COL14A1: variants seen among roughly 807,000 people sequenced by gnomAD.
The protein encoded by COL14A1 is collagen alpha-1(XIV) chain.
In COL14A1, 136 loss-of-function variants were observed where a neutral mutation model predicts 230.3. That is an observed-to-expected ratio of 0.59 (90% confidence interval 0.51 to 0.68). COL14A1 has a LOEUF of 0.68. Ranked by LOEUF, COL14A1 falls within the 30% of genes least tolerant of loss-of-function variation. The pLI, the probability that COL14A1 is intolerant of heterozygous loss-of-function variation, is 0.00. For missense variants in COL14A1, 1,976 were observed against 2,215.8 expected (o/e 0.89, Z 2.17); for synonymous variants, 792 against 784.1 (o/e 1.01, Z -0.17).
chr8:120,332,442 A>G (rs1357832914), intron 41 of COL14A1, among the ~76,000 whole-genome samples: 1 of 152,154 alleles, frequency 6.6e-6, no homozygotes, highest in Non-Finnish European at 1.5e-5. Context: ...TTAAATCACA[A>G]CTAAGGCTTG....
At chr8:120,245,752 G>A (rs1818743738) in intron 20 of COL14A1, among the ~76,000 whole-genome samples, 1 of 152,128 alleles carries the variant, frequency 6.6e-6, no homozygotes, top group African/African-American at 2.4e-5. Flanking sequence ...CAAGCAGGCT[G>A]GACCCAGCTG....
chr8:120,315,630 T>C, intron 39 of COL14A1, 44 bp downstream of exon 39: 1 of 1,524,476 alleles, frequency 6.6e-7, no homozygotes, highest in Non-Finnish European at 9.0e-7. Flanking sequence ...AGTCTACAAC[T>C]TTGCCAAGGG....
At position 120,280,012 on chromosome 8, in the gene COL14A1, C is replaced by T. The variant is rs779007548; in HGVS notation, c.3559C>T (p.Arg1187Cys). The stretch of plus-strand genomic sequence containing the variant: ...TAGCATTGGCAGTAAGCCCAGCGCA[C>T]GCCATGTCTTCTTTGTGGATGACTT... Reference protein sequence around the residue: ...LVSIGSKPSARHVFFVDDFDA... With the variant: ...LVSIGSKPSACHVFFVDDFDA... The change falls in exon 29 of 48, where the codon CGC becomes TGC. Residue 1187 changes from arginine (R) to cysteine (C), a missense_variant. By Grantham distance (180) the Arg-to-Cys change is radical. Coordinates refer to ENST00000297848, the MANE Select transcript of COL14A1 (RefSeq NM_021110.4). 7.4e-6 allele frequency: 12 copies of T among 1,613,726 alleles called. No homozygotes were observed. Among genetic ancestry groups the T allele is most frequent in the South Asian group, 3.3e-5 (3 of 91,090 alleles).
At chr8:120,361,509 C>G (rs931818991) in intron 45 of COL14A1, among the ~76,000 whole-genome samples, 5 of 149,120 alleles carry the variant, frequency 3.4e-5, no homozygotes, top group Admixed American at 1.3e-4. Context: ...CTTCTTGTAA[C>G]TAGGTGCTAG....
At chr8:120,142,155 T>A (rs1814937452) in intron 1 of COL14A1, among the ~76,000 whole-genome samples, 2 of 152,162 alleles carry the variant, frequency 1.3e-5, no homozygotes, top group Admixed American at 1.3e-4. Context: ...AAACCTCTGG[T>A]TATAATGTTT....
At chr8:120,246,581 C>A (rs1350541973) in intron 20 of COL14A1, among the ~76,000 whole-genome samples, 2 of 152,092 alleles carry the variant, frequency 1.3e-5, no homozygotes, top group Non-Finnish European at 2.9e-5. Flanking sequence ...ATGTATTTAT[C>A]TTTAAATAAA....
intron 24 of COL14A1, among the ~76,000 whole-genome samples, chr8:120,263,808 C>T (rs552646532): frequency 1.3e-5 from 2 of 152,242 alleles, no homozygotes; most frequent in African/African-American, 4.8e-5. Flanking sequence ...ATAGCTCTTC[C>T]AGCCTCTCTG....
chr8:120,273,555 C>A (rs1294335331), intron 26 of COL14A1, among the ~76,000 whole-genome samples: 1 of 150,768 alleles, frequency 6.6e-6, no homozygotes, highest in African/African-American at 2.4e-5. Flanking sequence ...CTGGTTTAAC[C>A]AAGAAAAAAG....
intron 36 of COL14A1, among the ~76,000 whole-genome samples, chr8:120,303,288 G>T (rs919736235): frequency 6.6e-6 from 1 of 152,134 alleles, no homozygotes; most frequent in South Asian, 2.1e-4. Context: ...AATAGGAGTG[G>T]TGAGAGAGAA....
In COL14A1 at chr8:120,266,865, A is replaced by G; in HGVS notation, c.3055A>G (p.Ile1019Val). ...ACGACCACCAACTTTTCCTCCAACCATTCCACCAGCAAAAGAAGGTAAAAG... is the reference window on the plus strand; with the variant it reads ...ACGACCACCAACTTTTCCTCCAACCGTTCCACCAGCAAAAGAAGGTAAAAG... The part of the protein sequence containing the change: ...PTRPPTFPPT[I>V]PPAKEVCKAA... The change falls in exon 25 of 48, where the codon ATT (isoleucine) becomes GTT (valine). Residue 1019 changes from isoleucine (I) to valine (V), a missense_variant. Ile to Val is a conservative substitution (Grantham distance 29). Transcript: ENST00000297848. 6.2e-7 allele frequency: 1 copy of G among 1,611,844 alleles called. No individual in the cohort carries two copies. Among genetic ancestry groups the G allele is most frequent in the Non-Finnish European group, 8.5e-7 (1 of 1,178,324 alleles).
At chr8:120,125,074 A>G (rs886917162), upstream of COL14A1, 2 of 152,360 alleles carry the variant, frequency 1.3e-5, no homozygotes, top group Non-Finnish European at 2.9e-5. Context: ...CCTCCGCTCT[A>G]TAATTGGCTG....
At chr8:120,172,229 C>A (rs1474175676) in intron 5 of COL14A1, among the ~76,000 whole-genome samples, 1 of 152,130 alleles carries the variant, frequency 6.6e-6, no homozygotes, top group Non-Finnish European at 1.5e-5. Flanking sequence ...TGGCTCACTG[C>A]AACTTATGCG....
At chr8:120,319,185 C>G (rs983619614) in intron 40 of COL14A1, among the ~76,000 whole-genome samples, 1 of 152,084 alleles carries the variant, frequency 6.6e-6, no homozygotes, top group African/African-American at 2.4e-5. Context: ...GAGATAAGGT[C>G]TCCCTCTGTG....
At chr8:120,249,083 C>T (rs1370446329) in intron 21 of COL14A1, among the ~76,000 whole-genome samples, 2 of 138,692 alleles carry the variant, frequency 1.4e-5, no homozygotes, top group Non-Finnish European at 3.1e-5. Flanking sequence ...CCCGCCACCA[C>T]GCCCGGCTAA....
At chr8:120,226,529 G>T in intron 15 of COL14A1, 98 bp from the exon 16 acceptor site, 10 of 1,294,498 alleles carry the variant, frequency 7.7e-6, no homozygotes, top group Non-Finnish European at 9.5e-6. Flanking sequence ...TAAAGCAAAA[G>T]ATTCCTCAAA....
At chr8:120,327,396 G>A (rs995106698) in intron 40 of COL14A1, among the ~76,000 whole-genome samples, 3 of 152,164 alleles carry the variant, frequency 2.0e-5, no homozygotes, top group Non-Finnish European at 4.4e-5. Context: ...CATGGGATCA[G>A]GCAGAAGTTT....
At chr8:120,173,991 G>A (rs1816190723) in intron 5 of COL14A1, among the ~76,000 whole-genome samples, 1 of 152,044 alleles carries the variant, frequency 6.6e-6, no homozygotes, top group Non-Finnish European at 1.5e-5. Flanking sequence ...TATTCACTGT[G>A]GTTTTCTTAT....
At chr8:120,267,185 G>A in intron 25 of COL14A1, among the ~76,000 whole-genome samples, 1 of 151,894 alleles carries the variant, frequency 6.6e-6, no homozygotes, top group East Asian at 1.9e-4. Flanking sequence ...AATCCAGTTT[G>A]TAGTTCCTCA....
rs775062096 is a variant in COL14A1, at chr8:120,369,457, C to A, written c.5283C>A (p.Pro1761=). The change falls in exon 47 of 48, where the codon CCC becomes CCA. Residue 1761 remains proline (P), a synonymous_variant. Transcript: ENST00000297848. The part of the protein sequence containing the change: ...GPSGQPGYCD[P]SSCSAYGVRA... ...CTGGCCAGCCTGGATATTGTGACCC[C>A]TCATCATGTTCTGCCTATGGTGTGA... is the stretch of plus-strand genomic sequence containing the variant. The A allele has an allele frequency of 6.2e-7, 1 of 1,606,524 alleles. No homozygotes were observed. The highest frequency in any genetic ancestry group is 1.1e-5 in the South Asian group (1 of 89,412).
Sources: allele counts gnomAD v4.1 joint callset (sites outside exome capture counted in the v4.1 genomes callset), GRCh38; gene constraint gnomAD v4.1.1; transcripts MANE v1.5; gene names NCBI Gene and HGNC (gene_info 2026-07-23, HGNC 2026-07-21).